Variants in MAGI2 observed in about 807,000 individuals in gnomAD.
MAGI2 encodes membrane-associated guanylate kinase, WW and PDZ domain-containing protein 2.
MAGI2 carries 35 observed loss-of-function variants against 133.3 expected under a neutral mutation model. The ratio of observed to expected loss-of-function variants is 0.26; its 90% CI spans 0.20 to 0.35. The LOEUF (loss-of-function observed/expected upper bound fraction) is 0.35. Among genes scored for constraint, MAGI2 ranks in the 10% least tolerant of loss-of-function variants. The pLI is 1.00. For missense variants in MAGI2, 1,636 were observed against 1,863.4 expected (o/e 0.88, Z 2.25); for synonymous variants, 729 against 710.6 (o/e 1.03, Z -0.41).
chr7:78,456,084 T>C (rs1336030332), intron 6 of MAGI2, among the ~76,000 whole-genome samples: 2 of 151,670 alleles, frequency 1.3e-5, no homozygotes, highest in African/African-American at 2.4e-5. Flanking sequence ...TTTTTTTTTT[T>C]CTACTCTTTG....
At chr7:79,071,194 A>T (rs11531591) in intron 1 of MAGI2, among the ~76,000 whole-genome samples, 1 of 152,032 alleles carries the variant, frequency 6.6e-6, no homozygotes, top group Non-Finnish European at 1.5e-5. Context: ...TTCCTTCTAA[A>T]ATAAGGCTGC....
intron 1 of MAGI2, among the ~76,000 whole-genome samples, chr7:79,291,473 AT>A (rs769886796): frequency 1.3e-4 from 20 of 152,144 alleles, no homozygotes; most frequent in Non-Finnish European, 2.6e-4. Flanking sequence ...TCTGTTTAAT[AT>A]TTTGAGGAAA....
At chr7:78,422,322 C>G (rs897785437) in intron 6 of MAGI2, among the ~76,000 whole-genome samples, 2 of 152,122 alleles carry the variant, frequency 1.3e-5, no homozygotes, top group Non-Finnish European at 2.9e-5. Context: ...ATTAGCAATA[C>G]TGTATTGTAC....
chr7:79,437,653 G>A (rs1378927417), intron 1 of MAGI2, among the ~76,000 whole-genome samples: 1 of 152,020 alleles, frequency 6.6e-6, no homozygotes, highest in Non-Finnish European at 1.5e-5. Context: ...CACAGCAATG[G>A]GCAAGAAGGT....
chr7:79,235,205 G>T (rs367987970), intron 1 of MAGI2, among the ~76,000 whole-genome samples: 1 of 152,180 alleles, frequency 6.6e-6, no homozygotes, highest in South Asian at 2.1e-4. Context: ...AAAGCTGTCA[G>T]ACAGGGACAT....
intron 1 of MAGI2, among the ~76,000 whole-genome samples, chr7:79,431,413 C>A (rs1281833110): frequency 6.6e-6 from 1 of 152,104 alleles, no homozygotes; most frequent in East Asian, 1.9e-4. Flanking sequence ...CTTTTAAGTT[C>A]TCAAAATAAT....
chr7:78,354,199 T>C (rs1265293219), intron 7 of MAGI2, among the ~76,000 whole-genome samples: 1 of 152,226 alleles, frequency 6.6e-6, no homozygotes, highest in African/African-American at 2.4e-5. Flanking sequence ...GCCATTTCTG[T>C]GTACAAGGAA....
At chr7:78,265,617 T>C (rs145023851) in intron 9 of MAGI2, among the ~76,000 whole-genome samples, 147 of 152,322 alleles carry the variant, frequency 9.7e-4, no homozygotes, top group African/African-American at 3.2e-3. Flanking sequence ...CATTCCCCTG[T>C]ACTCTTCTGT....
intron 11 of MAGI2, among the ~76,000 whole-genome samples, chr7:78,198,705 T>C (rs947086017): frequency 2.6e-5 from 4 of 152,158 alleles, no homozygotes; most frequent in African/African-American, 9.7e-5. Context: ...AGTAGAGAGA[T>C]TATGAATGAG....
intron 2 of MAGI2, among the ~76,000 whole-genome samples, chr7:78,711,710 G>A (rs1290853759): frequency 6.6e-6 from 1 of 152,076 alleles, no homozygotes; most frequent in Non-Finnish European, 1.5e-5. Flanking sequence ...GAAAGGAGGT[G>A]GAATTACAAT....
chr7:78,175,149 A>C (rs1046199302), intron 14 of MAGI2, among the ~76,000 whole-genome samples: 7 of 152,224 alleles, frequency 4.6e-5, no homozygotes, highest in Non-Finnish European at 8.8e-5. Flanking sequence ...AGCTGTGAGC[A>C]CAGGACAGTT....
At chr7:79,441,319 ATTCAACTGAAGCAAAGCATCTCCT>A (rs1848481212) in intron 1 of MAGI2, among the ~76,000 whole-genome samples, 1 of 152,244 alleles carries the variant, frequency 6.6e-6, no homozygotes, top group South Asian at 2.1e-4. Context: ...CTGAAAAGAT[ATTCAACTGAAGCAAAGCATCTCCT>A]TAGTCAATGT....
intron 2 of MAGI2, among the ~76,000 whole-genome samples, chr7:79,001,526 A>G (rs4730597): frequency 0.58 from 88,822 of 151,978 alleles, 26,340 homozygotes; most frequent in East Asian, 0.63. Flanking sequence ...TCTCTAATAA[A>G]TATCAAAGCT....
chr7:79,075,527 G>C (rs1396197656), intron 1 of MAGI2, among the ~76,000 whole-genome samples: 3 of 152,150 alleles, frequency 2.0e-5, no homozygotes, highest in Non-Finnish European at 4.4e-5. Flanking sequence ...TTGGGAGGCT[G>C]ATGTGGGCAG....
chr7:79,171,210 G>A (rs992552361), intron 1 of MAGI2, among the ~76,000 whole-genome samples: 1 of 152,078 alleles, frequency 6.6e-6, no homozygotes, highest in Non-Finnish European at 1.5e-5. Context: ...TCTGAAGGCA[G>A]TAGGGAAGGA....
chr7:78,754,383 A>AAATAAATG (rs1473662290), intron 2 of MAGI2, among the ~76,000 whole-genome samples: 11 of 150,954 alleles, frequency 7.3e-5, no homozygotes, highest in Admixed American at 4.0e-4. Flanking sequence ...ATAAATAAAT[A>AAATAAATG]AATAAATAAA....
chr7:78,324,968 A>G (rs985309775), intron 9 of MAGI2, among the ~76,000 whole-genome samples: 1 of 152,202 alleles, frequency 6.6e-6, no homozygotes, highest in African/African-American at 2.4e-5. Context: ...CTCCGTCTCA[A>G]AGAAAATAAA....
chr7:79,308,151 A>T (rs943120048), intron 1 of MAGI2, among the ~76,000 whole-genome samples: 7 of 152,168 alleles, frequency 4.6e-5, no homozygotes, highest in Admixed American at 2.0e-4. Context: ...TATGAAAAAC[A>T]GTGTTTAGCA....
intron 6 of MAGI2, among the ~76,000 whole-genome samples, chr7:78,396,989 G>A (rs1796404987): frequency 6.6e-6 from 1 of 152,066 alleles, no homozygotes; most frequent in African/African-American, 2.4e-5. Context: ...TTCAATGTGA[G>A]CTTAGAGCAT....
Sources: allele counts gnomAD v4.1 joint callset (sites outside exome capture counted in the v4.1 genomes callset), GRCh38; gene constraint gnomAD v4.1.1; transcripts MANE v1.5; gene names NCBI Gene and HGNC (gene_info 2026-07-23, HGNC 2026-07-21).